PLEKHM3: variants seen among roughly 807,000 people sequenced by gnomAD.
The protein encoded by PLEKHM3 is pleckstrin homology domain containing M3.
A neutral mutation model predicts 81.8 loss-of-function variants in PLEKHM3; 45 were observed. The observed-to-expected ratio is 0.55, with a 90% CI of 0.43 to 0.71. The LOEUF (loss-of-function observed/expected upper bound fraction) is 0.71. Among genes scored for constraint, PLEKHM3 ranks in the 30% least tolerant of loss-of-function variants. The pLI, the probability that PLEKHM3 is intolerant of heterozygous loss-of-function variation, is 0.00. For synonymous variants in PLEKHM3, 352 were observed against 356.4 expected, an observed-to-expected ratio of 0.99 and a Z score of 0.14; for missense variants, 788 against 924.3, an observed-to-expected ratio of 0.85 and a Z score of 1.91.
intron 6 of PLEKHM3, among the ~76,000 whole-genome samples, chr2:207,873,203 T>G (rs925258582): frequency 1.3e-5 from 2 of 152,016 alleles, no homozygotes; most frequent in Non-Finnish European, 2.9e-5. Flanking sequence ...GTTTAAAAAA[T>G]AGAGAACACA....
At chr2:207,880,798 CAAACAAACAA>C (rs1174884663) in intron 6 of PLEKHM3, among the ~76,000 whole-genome samples, 1 of 46,492 alleles carries the variant, frequency 2.2e-5, no homozygotes, top group African/African-American at 6.9e-5. Flanking sequence ...ACCAAAAAAA[CAAACAAACAA>C]AAAAAAACAA....
chr2:207,944,957 T>C (rs951735624), intron 4 of PLEKHM3, among the ~76,000 whole-genome samples: 2 of 152,234 alleles, frequency 1.3e-5, no homozygotes, highest in African/African-American at 4.8e-5. Context: ...CTTCCTTTTA[T>C]AGCAAAACTT....
intron 2 of PLEKHM3, 142 bp from the exon 3 acceptor site, chr2:207,977,728 T>C (rs1416960705): frequency 2.8e-6 from 2 of 726,484 alleles, no homozygotes; most frequent in Non-Finnish European, 4.4e-6. Flanking sequence ...AAAATAAAAG[T>C]AGTAGAATCC....
At chr2:207,997,889 T>G (rs1177876501) in intron 2 of PLEKHM3, among the ~76,000 whole-genome samples, 1 of 152,194 alleles carries the variant, frequency 6.6e-6, no homozygotes, top group African/African-American at 2.4e-5. Context: ...CAACGAGTCT[T>G]TCTTCAGTTT....
At chr2:207,830,715 C>G (rs1161023131) in intron 7 of PLEKHM3, among the ~76,000 whole-genome samples, 3,560 of 108,976 alleles carry the variant, frequency 0.033, 162 homozygotes, top group African/African-American at 0.12. Flanking sequence ...TAGAAGTGTC[C>G]TTAGAAGTGT....
chr2:208,021,899 T>C (rs1295589318), intron 1 of PLEKHM3, among the ~76,000 whole-genome samples: 2 of 152,274 alleles, frequency 1.3e-5, no homozygotes, highest in Admixed American at 1.3e-4. Context: ...TTAGTGTCTA[T>C]ATAACACTGT....
chr2:207,958,258 C>T (rs1690589621), intron 3 of PLEKHM3, among the ~76,000 whole-genome samples: 1 of 152,070 alleles, frequency 6.6e-6, no homozygotes, highest in Non-Finnish European at 1.5e-5. Context: ...ATCTACTAGA[C>T]TACCTGCTAG....
intron 7 of PLEKHM3, among the ~76,000 whole-genome samples, chr2:207,848,556 GGAA>G (rs1227383597): frequency 6.6e-6 from 1 of 152,166 alleles, no homozygotes. Context: ...ACCATCTATG[GGAA>G]GAAGTAGTTC....
chr2:207,859,655 T>G (rs1574343003), intron 7 of PLEKHM3, among the ~76,000 whole-genome samples: 1 of 151,992 alleles, frequency 6.6e-6, no homozygotes, highest in South Asian at 2.1e-4. Context: ...TGGAGTGCAG[T>G]GGCGTAATCT....
chr2:208,001,790 A>G lies in PLEKHM3; in HGVS notation c.-151T>C, dbSNP rs1268016978. On this transcript the variant is annotated 5_prime_UTR_variant, in exon 2 of 8. Transcript: ENST00000427836. ...GGGCTCCCTGGAGCAGGCCAAACCC[A>G]AAGTGGTTGATGTTTTCCTGGTAAT... 6.0e-5 allele frequency: 77 copies of G among 1,289,786 alleles called. No individual in the cohort carries two copies. Among genetic ancestry groups the G allele is most frequent in the Non-Finnish European group, 7.0e-5 (67 of 952,972 alleles). The allele number at this position is 1,289,786 out of a possible 1,614,324, so 79.9% of individuals were successfully genotyped here. A position where few individuals can be genotyped will look rare whatever the true frequency, so the allele number is the denominator to read the frequency against.
intron 3 of PLEKHM3, among the ~76,000 whole-genome samples, chr2:207,970,321 GC>G (rs71412447): frequency 3.5e-4 from 53 of 151,456 alleles, no homozygotes; most frequent in Admixed American, 1.4e-3. Context: ...GGAGGAAAAT[GC>G]CCCCCCACCC....
chr2:208,015,594 C>A (rs747215006), intron 1 of PLEKHM3, among the ~76,000 whole-genome samples: 13 of 152,306 alleles, frequency 8.5e-5, no homozygotes, highest in South Asian at 2.1e-4. Context: ...AAATAGCTAA[C>A]CTCAATTGTC....
chr2:207,923,234 A>G (rs1413490613), intron 5 of PLEKHM3, among the ~76,000 whole-genome samples: 1 of 152,186 alleles, frequency 6.6e-6, no homozygotes, highest in Non-Finnish European at 1.5e-5. Flanking sequence ...ACAGTAGTAC[A>G]TATGTTAGAG....
rs1479182499 is a variant in PLEKHM3, at chr2:207,823,082, C to T, written c.*5237G>A. ...AGGTGCCTGAATCTTCTACTCTGGGCAACAACCAGCTTCATTCAAAGTCTG... is the reference window on the plus strand; with the variant it reads ...AGGTGCCTGAATCTTCTACTCTGGGTAACAACCAGCTTCATTCAAAGTCTG... On this transcript the variant is annotated 3_prime_UTR_variant, in exon 8 of 8. Transcript: ENST00000427836. 6.6e-6 allele frequency: 1 copy of T among 152,116 alleles called. No individual in the cohort carries two copies. Among genetic ancestry groups the T allele is most frequent in the Non-Finnish European group, 1.5e-5 (1 of 68,028 alleles). The allele number at this position is 152,116 out of a possible 1,614,324, so 9.4% of individuals were successfully genotyped here.
intron 2 of PLEKHM3, among the ~76,000 whole-genome samples, chr2:207,998,705 T>C (rs13405165): frequency 0.054 from 8,167 of 151,938 alleles, 697 homozygotes; most frequent in African/African-American, 0.18. Context: ...CTCAAAGGAG[T>C]AGTTCAGGTC....
chr2:207,907,758 T>A (rs762799431), intron 6 of PLEKHM3, among the ~76,000 whole-genome samples: 68 of 152,324 alleles, frequency 4.5e-4, no homozygotes, highest in Non-Finnish European at 4.7e-4. Context: ...TTCACAAGAC[T>A]GTATAACCAT....
In PLEKHM3 at chr2:207,986,005, AT is replaced by A. The variant is rs548398672; in HGVS notation, c.611-8420del. Among the ~76,000 whole-genome samples the A allele has an allele frequency of 2.2e-3, 321 of 143,794 alleles. 2 individuals carry two copies. Among genetic ancestry groups the A allele is most frequent in the African/African-American group, 7.6e-3 (301 of 39,812 alleles). 94.3% of individuals were successfully genotyped at this position (143,794 alleles called of 152,430 possible). A position where few individuals can be genotyped will look rare whatever the true frequency, so the allele number is the denominator to read the frequency against. On this transcript the variant is annotated intron_variant, in intron 2 of 7. Coordinates refer to ENST00000427836, the MANE Select transcript of PLEKHM3 (RefSeq NM_001080475.3). The stretch of plus-strand genomic sequence containing the variant: ...TCCGTCTCAAAAAAAAAAAAAAAAA[AT>A]ACCATGTTCCAGATCACAATAAATG...
rs370576889 is a variant in PLEKHM3, at chr2:208,016,670, T to TACACACACACACACACAC, written c.-319+8701_-319+8718dup. On this transcript the variant is annotated intron_variant, in intron 1 of 7. Coordinates refer to ENST00000427836, the MANE Select transcript of PLEKHM3 (RefSeq NM_001080475.3). ...GTCTCAAAAAAAAAAAAAAAAAAAA[T>TACACACACACACACACAC]ACACACACACACACACACACACACA... 9.8e-3 allele frequency among the ~76,000 whole-genome samples: 635 copies of TACACACACACACACACAC among 64,936 alleles called. 22 individuals carry two copies. The highest frequency in any genetic ancestry group is 0.025 in the African/African-American group (523 of 20,760). The allele number at this position is 64,936 out of a possible 152,430, so 42.6% of individuals were successfully genotyped here.
intron 6 of PLEKHM3, among the ~76,000 whole-genome samples, chr2:207,864,299 T>C (rs1421907846): frequency 6.6e-6 from 1 of 152,214 alleles, no homozygotes; most frequent in Non-Finnish European, 1.5e-5. Context: ...CAGTAAGGCA[T>C]GCTCCTAATA....
Sources: allele counts gnomAD v4.1 joint callset (sites outside exome capture counted in the v4.1 genomes callset), GRCh38; gene constraint gnomAD v4.1.1; transcripts MANE v1.5; gene names NCBI Gene and HGNC (gene_info 2026-07-23, HGNC 2026-07-21).